Variants in NAA25 observed in about 807,000 individuals in gnomAD.
NAA25 encodes N-alpha-acetyltransferase 25, NatB auxiliary subunit.
Under a neutral mutation model 132.5 loss-of-function variants are expected in NAA25, and 30 were observed. The ratio of observed to expected loss-of-function variants is 0.23; its 90% CI spans 0.17 to 0.31. The LOEUF (loss-of-function observed/expected upper bound fraction) is 0.31. Among genes scored for constraint, NAA25 ranks in the 10% least tolerant of loss-of-function variants. The pLI is 1.00. For missense variants in NAA25, 771 were observed against 1,150.4 expected (o/e 0.67, Z 4.77); for synonymous variants, 359 against 401.9 (o/e 0.89, Z 1.28).
intron 1 of NAA25, among the ~76,000 whole-genome samples, chr12:112,095,099 C>T (rs1210554434): frequency 1.3e-5 from 2 of 152,070 alleles, no homozygotes; most frequent in Non-Finnish European, 2.9e-5. Flanking sequence ...GCCAGAAGTA[C>T]AAGACCAGCC....
At chr12:112,031,121 G>C (rs531837887) in intron 23 of NAA25, among the ~76,000 whole-genome samples, 2 of 152,064 alleles carry the variant, frequency 1.3e-5, no homozygotes, top group African/African-American at 4.8e-5. Flanking sequence ...CAATAATACT[G>C]TATATTTTCT....
chr12:112,069,801 CAGAG>C (rs2078777283), intron 10 of NAA25, among the ~76,000 whole-genome samples: 1 of 146,020 alleles, frequency 6.8e-6, no homozygotes. Flanking sequence ...GCCTGGGCGA[CAGAG>C]AGAGACTCCA....
At chr12:112,054,621 C>A in intron 13 of NAA25, 53 bp from the exon 14 acceptor site, 1 of 1,521,650 alleles carries the variant, frequency 6.6e-7, no homozygotes, top group Middle Eastern at 2.3e-4. Flanking sequence ...ATGAAAGCTT[C>A]CCAAAAACAA....
chr12:112,079,624 G>A (rs1454061809), intron 5 of NAA25, among the ~76,000 whole-genome samples: 2 of 151,160 alleles, frequency 1.3e-5, no homozygotes, highest in Admixed American at 6.6e-5. Context: ...TACCAGACAT[G>A]CGGTAAAGCT....
At chr12:112,086,073 T>TATATATACACACACACACACAC (rs759148501) in intron 4 of NAA25, among the ~76,000 whole-genome samples, 1 of 53,986 alleles carries the variant, frequency 1.9e-5, no homozygotes, top group Non-Finnish European at 2.8e-5. Flanking sequence ...TATATATATA[T>TATATATACACACACACACACAC]ACACACACAC....
At chr12:112,103,091 A>T (rs1303604320) in intron 1 of NAA25, among the ~76,000 whole-genome samples, 2 of 152,158 alleles carry the variant, frequency 1.3e-5, no homozygotes, top group Non-Finnish European at 2.9e-5. Context: ...GGTTCAAGTG[A>T]TTCTTCTGCC....
At chr12:112,039,709 T>C (rs75913788) in intron 21 of NAA25, 2,251 of 168,946 alleles carry the variant, frequency 0.013, 63 homozygotes, top group African/African-American at 0.051. Context: ...CTTTACAATA[T>C]GCCTCTCCCG....
At chr12:112,100,612 G>GTT (rs2079280128) in intron 1 of NAA25, among the ~76,000 whole-genome samples, 4 of 131,368 alleles carry the variant, frequency 3.0e-5, no homozygotes, top group Admixed American at 1.6e-4. Context: ...TGATTCCATT[G>GTT]TCTTTTTTTT....
intron 11 of NAA25, among the ~76,000 whole-genome samples, chr12:112,067,067 T>A (rs747567201): frequency 6.6e-6 from 1 of 152,050 alleles, no homozygotes; most frequent in Non-Finnish European, 1.5e-5. Context: ...CCAGGCATAG[T>A]AGCACACCAG....
At chr12:112,085,348 C>T (rs1400805480) in intron 4 of NAA25, among the ~76,000 whole-genome samples, 1 of 152,058 alleles carries the variant, frequency 6.6e-6, no homozygotes, top group Non-Finnish European at 1.5e-5. Flanking sequence ...GCTGAGATCA[C>T]GCCACAGCAC....
chr12:112,101,360 A>C (rs1037544645), intron 1 of NAA25, among the ~76,000 whole-genome samples: 3 of 152,180 alleles, frequency 2.0e-5, no homozygotes, highest in African/African-American at 7.2e-5. Context: ...TGTGCCTAAC[A>C]CATATCAGGC....
chr12:112,048,306 TAGA>T lies in NAA25; in HGVS notation c.1863_1865del (p.Leu623del). On this transcript the variant is annotated inframe_deletion, in exon 16 of 24. Coordinates refer to ENST00000261745, the MANE Select transcript of NAA25 (RefSeq NM_024953.4). ...GCAATACTTACATATTTGCTTCAAG[TAGA>T]AGGTCTAACAGCATCCGTTCAGTAC... The T allele has an allele frequency of 6.2e-7, 1 of 1,612,968 alleles. No homozygotes were observed. Among genetic ancestry groups the T allele is most frequent in the Non-Finnish European group, 8.5e-7 (1 of 1,179,266 alleles).
intron 1 of NAA25, among the ~76,000 whole-genome samples, chr12:112,096,824 A>G (rs2079218881): frequency 6.6e-6 from 1 of 152,204 alleles, no homozygotes; most frequent in Non-Finnish European, 1.5e-5. Flanking sequence ...TTGCTGACTC[A>G]GTGGTCCTGC....
chr12:112,044,739 G>C (rs1036014345), intron 17 of NAA25, among the ~76,000 whole-genome samples: 1 of 151,292 alleles, frequency 6.6e-6, no homozygotes, highest in Non-Finnish European at 1.5e-5. Flanking sequence ...TTTGTTCTCT[G>C]ATTATAAAAA....
At chr12:112,058,279 G>C (rs1337166239) in intron 13 of NAA25, among the ~76,000 whole-genome samples, 1 of 152,186 alleles carries the variant, frequency 6.6e-6, no homozygotes, top group Non-Finnish European at 1.5e-5. Context: ...CACCATTTGA[G>C]TAAAACTTAG....
chr12:112,096,920 T>C (rs2136938816), intron 1 of NAA25, among the ~76,000 whole-genome samples: 1 of 152,310 alleles, frequency 6.6e-6, no homozygotes, highest in South Asian at 2.1e-4. Flanking sequence ...GGTCTGCCCA[T>C]AAATGGATCA....
chr12:112,048,535 A>C (rs1425618077), intron 15 of NAA25, 92 bp from the exon 16 acceptor site: 16 of 1,074,616 alleles, frequency 1.5e-5, no homozygotes, highest in Non-Finnish European at 2.2e-5. Context: ...ACTCAAACTA[A>C]AATTAAGTTT....
chr12:112,079,637 T>C (rs1176576473), intron 5 of NAA25, among the ~76,000 whole-genome samples: 5 of 151,870 alleles, frequency 3.3e-5, no homozygotes, highest in Non-Finnish European at 5.9e-5. Flanking sequence ...GTAAAGCTAA[T>C]GTATGAAGGC....
chr12:112,085,783 G>A (rs2079037350), intron 4 of NAA25, among the ~76,000 whole-genome samples: 1 of 150,792 alleles, frequency 6.6e-6, no homozygotes, highest in Admixed American at 6.6e-5. Flanking sequence ...ATTTTGGGAG[G>A]CAGAGGCGAG....
Sources: allele counts gnomAD v4.1 joint callset (sites outside exome capture counted in the v4.1 genomes callset), GRCh38; gene constraint gnomAD v4.1.1; transcripts MANE v1.5; gene names NCBI Gene and HGNC (gene_info 2026-07-23, HGNC 2026-07-21).